The following SAMD5 variants were observed in gnomAD, a reference collection of about 807,000 sequenced individuals.
The protein encoded by SAMD5 is sterile alpha motif domain-containing protein 5.
SAMD5 carries 13 observed loss-of-function variants against 11.3 expected under a neutral mutation model. The observed-to-expected ratio is 1.15, with a 90% CI of 0.75 to 1.83. The LOEUF (loss-of-function observed/expected upper bound fraction) is 1.83, where lower values mean the gene tolerates loss of function less well. Ranked by LOEUF, SAMD5 falls within the 40% of genes most tolerant of loss-of-function variation. The pLI is 0.00. For missense variants in SAMD5, 255 were observed against 239.1 expected (o/e 1.07, Z -0.44); for synonymous variants, 129 against 111.3 (o/e 1.16, Z -1.00).
intron 1 of SAMD5, among the ~76,000 whole-genome samples, chr6:147,636,446 A>G (rs1175270221): frequency 6.6e-6 from 1 of 152,230 alleles, no homozygotes; most frequent in Non-Finnish European, 1.5e-5. Context: ...CCAGTAATTC[A>G]TTGATATGAG....
At chr6:147,949,834 A>G in the SAMD5 span, among the ~76,000 whole-genome samples, 1 of 152,250 alleles carries the variant, frequency 6.6e-6, no homozygotes, top group Non-Finnish European at 1.5e-5. Flanking sequence ...TTTTAATTCT[A>G]TTAGGTTCAT....
At chr6:147,626,618 G>A (rs917764475) in intron 1 of SAMD5, among the ~76,000 whole-genome samples, 21 of 151,094 alleles carry the variant, frequency 1.4e-4, no homozygotes, top group Non-Finnish European at 2.8e-4. Flanking sequence ...ACCTTGTAAG[G>A]TCCTTTTGAA....
chr6:147,819,189 G>C, the SAMD5 span, among the ~76,000 whole-genome samples: 3 of 152,278 alleles, frequency 2.0e-5, no homozygotes, highest in East Asian at 5.8e-4. Context: ...GACATGGATG[G>C]AGCTGGAGGC....
At chr6:147,675,561 C>T (rs912388592) in intron 1 of SAMD5, among the ~76,000 whole-genome samples, 1 of 152,124 alleles carries the variant, frequency 6.6e-6, no homozygotes, top group South Asian at 2.1e-4. Flanking sequence ...ACTTATTCTA[C>T]GCGGGTTTTG....
downstream of SAMD5, among the ~76,000 whole-genome samples, chr6:147,570,419 A>G (rs1371664595): frequency 6.6e-6 from 1 of 152,114 alleles, no homozygotes; most frequent in Non-Finnish European, 1.5e-5. Context: ...ATCACCTGAA[A>G]TGTGTTGTGA....
intron 1 of SAMD5, among the ~76,000 whole-genome samples, chr6:147,684,364 A>G (rs768073946): frequency 5.0e-4 from 74 of 149,272 alleles, no homozygotes; most frequent in Non-Finnish European, 9.1e-4. Context: ...GTTGATAGTC[A>G]TTTGTGTCTC....
chr6:147,673,328 C>T (rs1037322220), intron 1 of SAMD5, among the ~76,000 whole-genome samples: 1 of 152,092 alleles, frequency 6.6e-6, no homozygotes, highest in Non-Finnish European at 1.5e-5. Context: ...ATTCTCCTGC[C>T]TCAGCCTCCT....
At chr6:147,851,155 G>C in the SAMD5 span, among the ~76,000 whole-genome samples, 2 of 151,924 alleles carry the variant, frequency 1.3e-5, no homozygotes, top group South Asian at 4.2e-4. Context: ...TGTTGGCCAG[G>C]CTGGTCTCAA....
At chr6:147,730,324 A>G (rs1447734620) in intron 1 of SAMD5, 8 of 298,646 alleles carry the variant, frequency 2.7e-5, no homozygotes, top group Non-Finnish European at 4.0e-5. Context: ...AAGAGGGACA[A>G]GGATAAAAGT....
At chr6:147,755,130 A>C in the SAMD5 span, among the ~76,000 whole-genome samples, 1 of 152,184 alleles carries the variant, frequency 6.6e-6, no homozygotes, top group Middle Eastern at 3.4e-3. Flanking sequence ...ATTACATTGA[A>C]TCTATAGATT....
the SAMD5 span, among the ~76,000 whole-genome samples, chr6:147,858,318 G>A: frequency 6.6e-6 from 1 of 152,100 alleles, no homozygotes; most frequent in Non-Finnish European, 1.5e-5. Context: ...TACTTCTTGG[G>A]CCTTCTTCAA....
In SAMD5 at chr6:147,706,123, T is replaced by C. The variant is rs546970260; in HGVS notation, c.163-31194T>C. Among the ~76,000 whole-genome samples the C allele has an allele frequency of 2.0e-5, 3 of 152,338 alleles. No individual in the cohort carries two copies. The South Asian group carries it at 6.2e-4, about 32-fold the overall frequency. ...TTGCGTGTTGTGTGTTGTGTGTGTG[T>C]GTTTCCTTGACAAGTTTTGCATTAT... On this transcript the variant is annotated intron_variant, in intron 1 of 1. Coordinates refer to the SAMD5 transcript ENST00000566741.
At chr6:147,794,287 T>A in the SAMD5 span, among the ~76,000 whole-genome samples, 2 of 152,200 alleles carry the variant, frequency 1.3e-5, no homozygotes, top group African/African-American at 4.8e-5. Context: ...GGTTTAAATA[T>A]GTTTAGAGCT....
At chr6:147,944,156 T>C in the SAMD5 span, among the ~76,000 whole-genome samples, 1 of 152,230 alleles carries the variant, frequency 6.6e-6, no homozygotes, top group African/African-American at 2.4e-5. Context: ...GCTTCCTTAC[T>C]ATACCCATTC....
At chr6:147,637,658 T>A (rs1202769411) in intron 1 of SAMD5, among the ~76,000 whole-genome samples, 1 of 152,156 alleles carries the variant, frequency 6.6e-6, no homozygotes, top group Non-Finnish European at 1.5e-5. Flanking sequence ...AAAGAAACCG[T>A]TCACCTCAGG....
the SAMD5 span, among the ~76,000 whole-genome samples, chr6:147,820,679 C>T: frequency 1.3e-5 from 2 of 152,106 alleles, no homozygotes; most frequent in South Asian, 2.1e-4. Flanking sequence ...TCAAGTTGGG[C>T]GACAGAGTGT....
At chr6:147,540,933 GTTT>G (rs1187718649) in intron 1 of SAMD5, among the ~76,000 whole-genome samples, 1,935 of 64,204 alleles carry the variant, frequency 0.03, 92 homozygotes, top group African/African-American at 0.095. Context: ...CAAGCCACGC[GTTT>G]TTTTTTTTTT....
the SAMD5 span, among the ~76,000 whole-genome samples, chr6:147,869,563 G>A: frequency 6.6e-6 from 1 of 152,134 alleles, no homozygotes; most frequent in Non-Finnish European, 1.5e-5. Flanking sequence ...ATGCTATCTA[G>A]CAGAAATCCA....
At chr6:147,708,761 G>A (rs993500773) in intron 1 of SAMD5, among the ~76,000 whole-genome samples, 7 of 152,076 alleles carry the variant, frequency 4.6e-5, no homozygotes, top group African/African-American at 1.2e-4. Flanking sequence ...TGTCTTTTGG[G>A]GATGATAAAT....
Sources: allele counts gnomAD v4.1 joint callset (sites outside exome capture counted in the v4.1 genomes callset), GRCh38; gene constraint gnomAD v4.1.1; transcripts MANE v1.5; gene names NCBI Gene and HGNC (gene_info 2026-07-23, HGNC 2026-07-21).